The following RPS6KC1 variants were observed in gnomAD, a reference collection of about 807,000 sequenced individuals.
The protein encoded by RPS6KC1 is ribosomal protein S6 kinase C1.
In RPS6KC1, 54 loss-of-function variants were observed where a neutral mutation model predicts 103.8. The observed-to-expected ratio is 0.52, with a 90% CI of 0.42 to 0.65. The LOEUF is 0.65. Ranked by LOEUF, RPS6KC1 falls within the 30% of genes least tolerant of loss-of-function variation. The probability of loss-of-function intolerance (pLI) is 0.00; values close to 1 mark genes in which losing one functional copy is unlikely to be tolerated. For synonymous variants in RPS6KC1, 439 were observed against 438.7 expected (o/e 1.00, Z -0.01); for missense variants, 1,151 against 1,253.8 (o/e 0.92, Z 1.24).
At chr1:213,437,449 C>A in the RPS6KC1 span, among the ~76,000 whole-genome samples, 2 of 151,912 alleles carry the variant, frequency 1.3e-5, no homozygotes, top group Admixed American at 1.3e-4. Context: ...AAAGAGATAA[C>A]CGCTTGTTTT....
the RPS6KC1 span, among the ~76,000 whole-genome samples, chr1:213,584,963 T>C: frequency 6.6e-6 from 1 of 152,202 alleles, no homozygotes. Context: ...TTTTTACTCA[T>C]AGTTTTCTTA....
chr1:213,509,027 A>G, the RPS6KC1 span, among the ~76,000 whole-genome samples: 1 of 152,318 alleles, frequency 6.6e-6, no homozygotes, highest in African/African-American at 2.4e-5. Context: ...ACTGCCTTCT[A>G]ATTGATTTTG....
chr1:213,389,749 C>G, the RPS6KC1 span, among the ~76,000 whole-genome samples: 1 of 152,204 alleles, frequency 6.6e-6, no homozygotes, highest in Admixed American at 6.5e-5. Flanking sequence ...TTCCCTCTTT[C>G]CCGGTCCTCT....
At chr1:213,431,002 G>T in the RPS6KC1 span, among the ~76,000 whole-genome samples, 1 of 151,686 alleles carries the variant, frequency 6.6e-6, no homozygotes, top group Non-Finnish European at 1.5e-5. Flanking sequence ...AATGGACACA[G>T]AAATGGGTTG....
the RPS6KC1 span, among the ~76,000 whole-genome samples, chr1:213,762,131 C>A: frequency 6.6e-6 from 1 of 151,544 alleles, no homozygotes; most frequent in Non-Finnish European, 1.5e-5. Flanking sequence ...ACTCAGTTCT[C>A]AAAGTCAGAG....
chr1:213,253,342 GTGTCT>G (rs1558637932), intron 12 of RPS6KC1, among the ~76,000 whole-genome samples: 1 of 152,156 alleles, frequency 6.6e-6, no homozygotes, highest in Non-Finnish European at 1.5e-5. Context: ...GTCTGACGGT[GTGTCT>G]TAACACATAT....
the RPS6KC1 span, among the ~76,000 whole-genome samples, chr1:213,339,433 G>T: frequency 5.3e-5 from 8 of 152,284 alleles, no homozygotes; most frequent in African/African-American, 1.9e-4. Flanking sequence ...GCTGAGCCTG[G>T]TCCAAATTGT....
intron 8 of RPS6KC1, chr1:213,205,536 T>TTTTTTA (rs1553378412): frequency 1.2e-5 from 1 of 82,292 alleles, no homozygotes; most frequent in African/African-American, 4.8e-5. Context: ...ACAAACTCAT[T>TTTTTTA]TATATATATA....
intron 5 of RPS6KC1, among the ~76,000 whole-genome samples, chr1:213,121,155 A>T (rs1163161089): frequency 6.6e-6 from 1 of 152,124 alleles, no homozygotes; most frequent in African/African-American, 2.4e-5. Context: ...GCAGCTCTCG[A>T]ACTCTTAGAC....
chr1:213,205,483 T>C (rs2093312652), intron 8 of RPS6KC1: 1 of 395,444 alleles, frequency 2.5e-6, no homozygotes, highest in Non-Finnish European at 3.4e-6. Context: ...ACCTAAGGAA[T>C]AGTTACTTAT....
At chr1:213,856,215 G>A in the RPS6KC1 span, among the ~76,000 whole-genome samples, 1 of 152,146 alleles carries the variant, frequency 6.6e-6, no homozygotes, top group Admixed American at 6.5e-5. Context: ...TGAGAATATG[G>A]TGGCTGGAAT....
Position 213,104,527 on chromosome 1 carries a change from T to A in RPS6KC1, c.336T>A (p.Ile112=). The A allele has an allele frequency of 6.2e-7, 1 of 1,611,920 alleles. No individual in the cohort carries two copies. Among genetic ancestry groups the A allele is most frequent in the Non-Finnish European group, 8.5e-7 (1 of 1,178,454 alleles). The part of the protein sequence containing the change: ...AEDLLQFSAN[I]PALYNSKQLE... ...ACCTGCTACAGTTCTCTGCCAATAT[T>A]CCTGCTCTTTACAATAGTAAACAGC... The change falls in exon 4 of 15, where the codon ATT becomes ATA. Residue 112 remains isoleucine (I), a synonymous_variant. Coordinates refer to ENST00000366960, the MANE Select transcript of RPS6KC1 (RefSeq NM_012424.6).
chr1:213,767,850 T>A, the RPS6KC1 span, among the ~76,000 whole-genome samples: 2 of 152,146 alleles, frequency 1.3e-5, no homozygotes, highest in African/African-American at 4.8e-5. Context: ...TTCTTCCCAT[T>A]AACTACATTG....
At chr1:213,774,130 T>A in the RPS6KC1 span, among the ~76,000 whole-genome samples, 5 of 152,216 alleles carry the variant, frequency 3.3e-5, no homozygotes. Context: ...TATCCTGCCC[T>A]GTTTGGGGGG....
At chr1:213,657,749 A>AT in the RPS6KC1 span, among the ~76,000 whole-genome samples, 1 of 152,136 alleles carries the variant, frequency 6.6e-6, no homozygotes, top group Admixed American at 6.6e-5. Flanking sequence ...GGTTGGTGCT[A>AT]TTTTTTGCTG....
chr1:213,756,276 TCTTAA>T, the RPS6KC1 span, among the ~76,000 whole-genome samples: 10 of 152,302 alleles, frequency 6.6e-5, no homozygotes, highest in Non-Finnish European at 1.2e-4. Context: ...GATTCTGCAA[TCTTAA>T]CTTAATCTCC....
chr1:213,391,485 GC>G, the RPS6KC1 span, among the ~76,000 whole-genome samples: 1 of 152,186 alleles, frequency 6.6e-6, no homozygotes, highest in Non-Finnish European at 1.5e-5. Context: ...TGGGTGACTA[GC>G]TTCTGGTTTG....
chr1:213,388,236 T>C, the RPS6KC1 span, among the ~76,000 whole-genome samples: 1 of 152,250 alleles, frequency 6.6e-6, no homozygotes, highest in Non-Finnish European at 1.5e-5. Context: ...CAAGGACAGA[T>C]GCAGCCACCA....
chr1:213,604,930 C>A, the RPS6KC1 span, among the ~76,000 whole-genome samples: 1 of 152,122 alleles, frequency 6.6e-6, no homozygotes, highest in African/African-American at 2.4e-5. Flanking sequence ...GGGGAACTAG[C>A]ACCTTTTGGA....
Sources: gnomAD v4.1 joint callset for allele counts (sites outside exome capture counted in the v4.1 genomes callset) on GRCh38, gnomAD v4.1.1 for gene constraint, MANE v1.5 for transcripts, NCBI Gene and HGNC (gene_info 2026-07-23, HGNC 2026-07-21) for gene names.